TRIM5: variants seen among roughly 807,000 people sequenced by gnomAD.
The protein encoded by TRIM5 is tripartite motif containing 5.
Under a neutral mutation model 35.6 loss-of-function variants are expected in TRIM5, and 31 were observed. That is an observed-to-expected ratio of 0.87 (90% CI 0.65 to 1.18). The LOEUF is 1.18. TRIM5 is among the 50% of genes most tolerant of loss of function. The probability of loss-of-function intolerance (pLI) is 0.00; values close to 1 mark genes in which losing one functional copy is unlikely to be tolerated. For missense variants in TRIM5, 609 were observed against 591.6 expected (o/e 1.03, Z -0.31); for synonymous variants, 243 against 215.6 (o/e 1.13, Z -1.11).
At chr11:5,642,415 C>G in the TRIM5 span, 1 of 1,612,906 alleles carries the variant, frequency 6.2e-7, no homozygotes, top group East Asian at 2.2e-5. Flanking sequence ...GGAGTGAGAT[C>G]TGGAGGCTGA....
At chr11:5,661,167 G>T (rs1029844401), downstream of TRIM5, among the ~76,000 whole-genome samples, 3 of 142,626 alleles carry the variant, frequency 2.1e-5, no homozygotes, top group Non-Finnish European at 3.0e-5. Flanking sequence ...AAGGAGCTCA[G>T]AACATAATTG....
intron 2 of TRIM5, 70 bp from the exon 3 acceptor site, chr11:5,679,239 A>C (rs745635804): frequency 2.5e-5 from 34 of 1,349,238 alleles, no homozygotes; most frequent in Non-Finnish European, 3.3e-5. Flanking sequence ...TATAAACATG[A>C]AATAAATCAG....
the TRIM5 span, chr11:5,632,493 C>A: frequency 6.2e-7 from 1 of 1,614,036 alleles, no homozygotes; most frequent in Non-Finnish European, 8.5e-7. Flanking sequence ...GAGGAAAAAG[C>A]AGCTGTCCTG....
the TRIM5 span, among the ~76,000 whole-genome samples, chr11:5,625,568 T>C: frequency 2.6e-5 from 4 of 152,172 alleles, no homozygotes; most frequent in Admixed American, 2.0e-4. Context: ...TGAAGTGGGT[T>C]CTTTTGCTGC....
the TRIM5 span, among the ~76,000 whole-genome samples, chr11:5,640,630 G>A: frequency 7.2e-5 from 11 of 152,156 alleles, no homozygotes; most frequent in Non-Finnish European, 1.3e-4. Flanking sequence ...TCTTTTATCA[G>A]GGTCCTTTAT....
chr11:5,613,681 C>T, the TRIM5 span, among the ~76,000 whole-genome samples: 1 of 152,178 alleles, frequency 6.6e-6, no homozygotes, highest in East Asian at 1.9e-4. Flanking sequence ...TAGCCCAGCT[C>T]TCTTCTGTAA....
chr11:5,645,781 G>T, the TRIM5 span: 1 of 217,806 alleles, frequency 4.6e-6, no homozygotes. Flanking sequence ...TGATTCTCTG[G>T]ATACATTCCC....
chr11:5,602,944 T>A, the TRIM5 span, among the ~76,000 whole-genome samples: 1 of 151,092 alleles, frequency 6.6e-6, no homozygotes, highest in Non-Finnish European at 1.5e-5. Flanking sequence ...ACAGAGTGAG[T>A]CTCCATCTCA....
the TRIM5 span, chr11:5,605,367 C>T: frequency 6.2e-7 from 1 of 1,614,116 alleles, no homozygotes; most frequent in Non-Finnish European, 8.5e-7. Flanking sequence ...ATGCAGGATC[C>T]AGACAGAGTT....
Position 5,665,251 on chromosome 11 carries a change from C to T in TRIM5, c.1040G>A (p.Gly347Asp), listed in dbSNP as rs1323234902. ...QTFVNFNYCTGILGSQSITSG... is the reference protein window; with the variant it reads ...QTFVNFNYCTDILGSQSITSG... ...TGTGATACTTTGAGAGCCCAGGATGCCAGTACAATAATTGAAATTCACAAA... is the reference window on the plus strand; with the variant it reads ...TGTGATACTTTGAGAGCCCAGGATGTCAGTACAATAATTGAAATTCACAAA... Residue 347 changes from glycine (G) to aspartate (D), a missense_variant, in exon 8 of 8, where the codon GGC becomes GAC. By Grantham distance (94) the Gly-to-Asp change is moderately conservative. Coordinates refer to ENST00000380034, the MANE Select transcript of TRIM5 (RefSeq NM_033034.3). 4.3e-6 allele frequency: 7 copies of T among 1,614,060 alleles called. No individual in the cohort carries two copies. Among genetic ancestry groups the T allele is most frequent in the Non-Finnish European group, 5.9e-6 (7 of 1,180,054 alleles).
At chr11:5,681,506 A>T (rs1010530355) in intron 1 of TRIM5, among the ~76,000 whole-genome samples, 1 of 152,136 alleles carries the variant, frequency 6.6e-6, no homozygotes, top group Admixed American at 6.5e-5. Context: ...TGCCTCAGTA[A>T]ATTTACCTAA....
the TRIM5 span, among the ~76,000 whole-genome samples, chr11:5,600,199 G>A: frequency 2.0e-5 from 3 of 152,082 alleles, no homozygotes; most frequent in Non-Finnish European, 4.4e-5. Flanking sequence ...TGCAGCCTGC[G>A]TATCTGCATT....
the TRIM5 span, among the ~76,000 whole-genome samples, chr11:5,599,383 A>ATTTATTTATTTATT: frequency 2.2e-4 from 32 of 146,936 alleles, no homozygotes; most frequent in Non-Finnish European, 2.7e-4. Context: ...TACAATTATT[A>ATTTATTTATTTATT]TATTTATTTA....
the TRIM5 span, among the ~76,000 whole-genome samples, chr11:5,629,232 G>T: frequency 6.6e-6 from 1 of 151,970 alleles, no homozygotes; most frequent in African/African-American, 2.4e-5. Context: ...AGCTGAGATT[G>T]TACCATTGCA....
At chr11:5,610,560 G>C in the TRIM5 span, 5 of 1,613,110 alleles carry the variant, frequency 3.1e-6, no homozygotes, top group Middle Eastern at 1.7e-4. Context: ...AAAGCTACTG[G>C]GGTAAGTAGA....
chr11:5,652,852 CTT>C, the TRIM5 span, among the ~76,000 whole-genome samples: 5 of 143,652 alleles, frequency 3.5e-5, no homozygotes, highest in Admixed American at 6.9e-5. Context: ...TTTTCTTTTT[CTT>C]TTTTTTTTTT....
chr11:5,642,684 G>C, the TRIM5 span: 18 of 1,330,836 alleles, frequency 1.4e-5, no homozygotes, highest in African/African-American at 2.1e-5. Flanking sequence ...TAGGTCTCTG[G>C]TTTATCTTTT....
the TRIM5 span, among the ~76,000 whole-genome samples, chr11:5,625,276 G>A: frequency 6.6e-6 from 1 of 152,178 alleles, no homozygotes; most frequent in African/African-American, 2.4e-5. Flanking sequence ...GCAGAAGGCC[G>A]CCTTTGTTTT....
At chr11:5,660,813 C>T (rs906475962), downstream of TRIM5, among the ~76,000 whole-genome samples, 2 of 151,614 alleles carry the variant, frequency 1.3e-5, no homozygotes, top group African/African-American at 2.4e-5. Context: ...GAGGCCGAGG[C>T]GGGCGGATCT....
Sources: gnomAD v4.1 joint callset for allele counts (sites outside exome capture counted in the v4.1 genomes callset) on GRCh38, gnomAD v4.1.1 for gene constraint, MANE v1.5 for transcripts, NCBI Gene and HGNC (gene_info 2026-07-23, HGNC 2026-07-21) for gene names.